Variants in LIPE observed in about 807,000 individuals in gnomAD.
LIPE encodes the protein hormone-sensitive lipase.
In LIPE, 66 loss-of-function variants were observed where a neutral mutation model predicts 88.5. The observed-to-expected ratio is 0.75, with a 90% confidence interval of 0.61 to 0.91. The LOEUF (loss-of-function observed/expected upper bound fraction) is 0.91, where lower values mean the gene tolerates loss of function less well. Among genes scored for constraint, LIPE ranks in the 40% least tolerant of loss-of-function variants. The probability of loss-of-function intolerance (pLI) is 0.00; values close to 1 mark genes in which losing one functional copy is unlikely to be tolerated. For missense variants in LIPE, 1,346 were observed against 1,434.7 expected (o/e 0.94, Z 1.00); for synonymous variants, 570 against 617.5 (o/e 0.92, Z 1.14).
At position 42,426,676 on chromosome 19, in the gene LIPE, C is replaced by G. The variant is rs1350029405; in HGVS notation, c.474G>C (p.Ala158=). The G allele has an allele frequency of 1.9e-6, 3 of 1,614,158 alleles. No individual in the cohort carries two copies. Among genetic ancestry groups the G allele is most frequent in the Non-Finnish European group, 2.5e-6 (3 of 1,180,036 alleles). ...TTTTGGCTCCAGGTTTAGCCTGGGC[C>G]GCAGGTGTTGATTCAGCTTCTTGTT... ...PAQQEAESTP[A]AQAKPGAKRE... Residue 158 remains alanine (A), a synonymous_variant, in exon 1 of 10, where the codon GCG becomes GCC. Transcript: ENST00000244289.
intron 1 of LIPE, among the ~76,000 whole-genome samples, chr19:42,415,873 T>G (rs1005515796): frequency 1.3e-5 from 2 of 151,136 alleles, no homozygotes; most frequent in African/African-American, 2.4e-5. Context: ...ACGGTCTGGA[T>G]AGAAGGTCAA....
Position 42,406,197 on chromosome 19 carries a change from G to C in LIPE, c.2329C>G (p.Leu777Val). ...CTGACACACTTGGAGAGCACACTGA[G>C]GGGCAGCAAGGGGTCCATGAGGCTC... ...LLSLMDPLLP[L>V]SVLSKCVSAY... Residue 777 changes from leucine to valine, a missense_variant, in exon 7 of 10, where the codon CTC (leucine) becomes GTC (valine). By Grantham distance (32) the Leu-to-Val change is conservative. Transcript: ENST00000244289. This position sits in a 1 kb window ranked among gnomAD's most constrained non-coding sequence, Gnocchi z 5.7. The C allele has an allele frequency of 6.2e-7, 1 of 1,613,270 alleles. No homozygotes were observed. The highest frequency in any genetic ancestry group is 1.3e-5 in the African/African-American group (1 of 75,020).
At chr19:42,409,400 C>CAAA (rs760628566) in intron 2 of LIPE, among the ~76,000 whole-genome samples, 41 of 72,890 alleles carry the variant, frequency 5.6e-4, no homozygotes, top group South Asian at 2.5e-3. Flanking sequence ...AAACAAAATA[C>CAAA]AAAAAAAAAA....
chr19:42,402,563 G>C (rs1027090983), intron 9 of LIPE, 44 bp downstream of exon 9: 1 of 1,421,908 alleles, frequency 7.0e-7, no homozygotes, highest in African/African-American at 1.4e-5. Context: ...CGGGTGCCCT[G>C]CTCTTCTCTA....
chr19:42,424,867 G>A (rs2040679593), intron 1 of LIPE: 3 of 350,222 alleles, frequency 8.6e-6, no homozygotes, highest in Non-Finnish European at 1.7e-5. Flanking sequence ...GCAGGCAGGG[G>A]GCAGCACTGG....
In LIPE at chr19:42,408,166, G is replaced by T. The variant is rs2147608580; in HGVS notation, c.1511-45C>A. ...TCAGGGAGCCCCAGTGGGTCAGGCTGCTTGGGCAGGAGTGGGGAGGAGGGC... is the reference window on the plus strand; with the variant it reads ...TCAGGGAGCCCCAGTGGGTCAGGCTTCTTGGGCAGGAGTGGGGAGGAGGGC... On this transcript the variant is annotated intron_variant, in intron 3 of 9. Transcript: ENST00000244289. The surrounding 1 kb of genome is among the most constrained non-coding windows in gnomAD (Gnocchi z 4.3). The T allele has an allele frequency of 1.2e-6, 2 of 1,613,938 alleles. No individual in the cohort carries two copies. Among genetic ancestry groups the T allele is most frequent in the South Asian group, 1.1e-5 (1 of 91,080 alleles).
Position 42,405,975 on chromosome 19 carries a change from C to G in LIPE, c.2365+186G>C, listed in dbSNP as rs546335664. The G allele has an allele frequency of 3.4e-3, 1,622 of 477,682 alleles. 13 individuals are homozygous for G. The highest frequency in any genetic ancestry group is 0.016 in the South Asian group (583 of 37,300). The allele number at this position is 477,682 out of a possible 1,614,324, so 29.6% of individuals were successfully genotyped here. A position where few individuals can be genotyped will look rare whatever the true frequency, so the allele number is the denominator to read the frequency against. On this transcript the variant is annotated intron_variant, in intron 7 of 9. Transcript: ENST00000244289. ...TGTGTCTGTCTGTCTCTCTCTCTCTCTCACACACACACACACACACACACA... is the reference window on the plus strand; with the variant it reads ...TGTGTCTGTCTGTCTCTCTCTCTCTGTCACACACACACACACACACACACA...
Position 42,402,890 on chromosome 19 carries a change from G to A in LIPE, c.2684C>T (p.Ser895Leu), listed in dbSNP as rs752221161. ...SETSSDTPEM[S>L]LSAETLSPST... ...GGGGCTAAGTGTCTCAGCTGACAGC[G>A]ACATCTCGGGGGTGTCCGACGACGT... Residue 895 changes from serine to leucine, a missense_variant, in exon 9 of 10, where the codon TCG becomes TTG. Ser to Leu is a moderately radical substitution (Grantham distance 145). Coordinates refer to ENST00000244289, the MANE Select transcript of LIPE (RefSeq NM_005357.4). 1 of 1,613,556 alleles carries A rather than the reference G, an allele frequency of 6.2e-7. No homozygotes were observed. Among genetic ancestry groups the A allele is most frequent in the Non-Finnish European group, 8.5e-7 (1 of 1,179,980 alleles).
At chr19:42,420,009 CTTT>C (rs201890153) in intron 1 of LIPE, among the ~76,000 whole-genome samples, 3 of 128,678 alleles carry the variant, frequency 2.3e-5, no homozygotes. Context: ...GATTTCTTTT[CTTT>C]TTTTTTTTTT....
chr19:42,424,430 C>T (rs752147206), intron 1 of LIPE: 82 of 456,270 alleles, frequency 1.8e-4, no homozygotes, highest in South Asian at 6.8e-4. Flanking sequence ...CCTCGCCCGC[C>T]GCGGTGGTGT....
At chr19:42,402,526 G>A in intron 9 of LIPE, 81 bp downstream of exon 9, 1 of 1,286,834 alleles carries the variant, frequency 7.8e-7, no homozygotes, top group East Asian at 2.7e-5. Flanking sequence ...TTTCCCAGGT[G>A]TACCCGTGCC....
chr19:42,401,692 C>A lies in LIPE; in HGVS notation c.*120G>T. On this transcript the variant is annotated 3_prime_UTR_variant, in exon 10 of 10. Transcript: ENST00000244289. The stretch of plus-strand genomic sequence containing the variant: ...TCCCCGTGGCGAGGGTCTCAGCTTT[C>A]GGGCCCCCGCCCCGCCCCCTTGCCA... The A allele has an allele frequency of 1.3e-5, 5 of 371,998 alleles. No homozygotes were observed. The highest frequency in any genetic ancestry group is 2.4e-5 in the Non-Finnish European group (5 of 209,022). The allele number at this position is 371,998 out of a possible 1,614,324, so 23.0% of individuals were successfully genotyped here.
Position 42,426,511 on chromosome 19 carries a change from T to C in LIPE, c.639A>G (p.Leu213=), listed in dbSNP as rs1380530776. 1 of 1,614,234 alleles carries C rather than the reference T, an allele frequency of 6.2e-7. No individual in the cohort carries two copies. The highest frequency in any genetic ancestry group is 1.7e-5 in the Admixed American group (1 of 60,026). The change falls in exon 1 of 10, where the codon CTA becomes CTG. Residue 213 remains leucine (L), a synonymous_variant. Coordinates refer to ENST00000244289, the MANE Select transcript of LIPE (RefSeq NM_005357.4). ...ELGFLTKLQE[L]SIQRSALEWK... is the part of the protein sequence containing the mutation. The stretch of plus-strand genomic sequence containing the variant: ...ACTCTAGGGCTGATCGCTGTATGGA[T>C]AGTTCCTGAAGTTTTGTTAGAAATC...
At chr19:42,419,253 C>T (rs760872208) in intron 1 of LIPE, among the ~76,000 whole-genome samples, 16 of 152,058 alleles carry the variant, frequency 1.1e-4, no homozygotes, top group Non-Finnish European at 2.4e-4. Context: ...ACTCCAGCCT[C>T]GGCAACAAGA....
In LIPE at chr19:42,426,371, A is replaced by G. The variant is rs375535927; in HGVS notation, c.779T>C (p.Leu260Pro). 1.2e-5 allele frequency: 20 copies of G among 1,613,832 alleles called. No individual in the cohort carries two copies. The highest frequency in any genetic ancestry group is 1.1e-5 in the South Asian group (1 of 91,072). The change falls in exon 1 of 10, where the codon CTA (leucine) becomes CCA (proline). Residue 260 changes from leucine (L) to proline (P), a missense_variant. Leu to Pro is a moderately conservative substitution (Grantham distance 98). Transcript: ENST00000244289. ...ATAACCAGATTTTCCTTTGAAGCCT[A>G]GCTTCACTCCCTGGGCCACCATTCC... The part of the protein sequence containing the change: ...MGGMVAQGVK[L>P]GFKGKSGYKV...
At chr19:42,405,942 T>A in intron 7 of LIPE, 1 of 581,974 alleles carries the variant, frequency 1.7e-6, no homozygotes, top group Non-Finnish European at 3.0e-6. Flanking sequence ...CTGAGCGACA[T>A]GACACCTTGT....
chr19:42,402,680 A>C lies in LIPE; in HGVS notation c.2894T>G (p.Val965Gly). ...TQMPLYSSPI[V>G]KNPFMSPLLA... ...CAGCGGCGACATGAAGGGGTTCTTGACTATGGGTGAGGAGTAGAGGGGCAT... is the reference window on the plus strand; with the variant it reads ...CAGCGGCGACATGAAGGGGTTCTTGCCTATGGGTGAGGAGTAGAGGGGCAT... The change falls in exon 9 of 10, where the codon GTC becomes GGC. Residue 965 changes from valine to glycine, a missense_variant. Transcript: ENST00000244289. 6.6e-7 allele frequency: 1 copy of C among 1,512,734 alleles called. No homozygotes were observed. The highest frequency in any genetic ancestry group is 8.9e-7 in the Non-Finnish European group (1 of 1,128,376). 93.7% of individuals were successfully genotyped at this position (1,512,734 alleles called of 1,614,324 possible).
chr19:42,401,553 G>C lies in LIPE; in HGVS notation c.*259C>G. On this transcript the variant is annotated 3_prime_UTR_variant, in exon 10 of 10. Coordinates refer to ENST00000244289, the MANE Select transcript of LIPE (RefSeq NM_005357.4). Reference sequence around the variant, plus strand: ...TATTTACAACAAACCAAACCGACCTGCAAGGGAGGGCCAGTCCCCGTCCCT... The same window carrying C: ...TATTTACAACAAACCAAACCGACCTCCAAGGGAGGGCCAGTCCCCGTCCCT... The C allele has an allele frequency of 2.1e-6, 1 of 476,958 alleles. No homozygotes were observed. Among genetic ancestry groups the C allele is most frequent in the Non-Finnish European group, 3.7e-6 (1 of 271,518 alleles). The allele number at this position is 476,958 out of a possible 1,614,324, so 29.5% of individuals were successfully genotyped here.
At position 42,407,562 on chromosome 19, in the gene LIPE, C is replaced by A; in HGVS notation, c.1842+44G>T. The A allele has an allele frequency of 1.3e-6, 2 of 1,579,320 alleles. No homozygotes were observed. Among genetic ancestry groups the A allele is most frequent in the Admixed American group, 1.7e-5 (1 of 57,432 alleles). ...GATGCCAAGGTGGGGGCTGCCCACGCTCCTCGGCTCTGTCCCTGTCCCTGG... is the reference window on the plus strand; with the variant it reads ...GATGCCAAGGTGGGGGCTGCCCACGATCCTCGGCTCTGTCCCTGTCCCTGG... On this transcript the variant is annotated intron_variant, in intron 5 of 9. Coordinates refer to ENST00000244289, the MANE Select transcript of LIPE (RefSeq NM_005357.4). This position sits in a 1 kb window ranked among gnomAD's most constrained non-coding sequence, Gnocchi z 5.8.
Sources: allele counts gnomAD v4.1 joint callset (sites outside exome capture counted in the v4.1 genomes callset), GRCh38; gene constraint gnomAD v4.1.1; non-coding constraint Gnocchi (gnomAD v3.1); transcripts MANE v1.5; gene names NCBI Gene and HGNC (gene_info 2026-07-23, HGNC 2026-07-21).